Variants in CA2 observed in about 807,000 individuals in gnomAD.
CA2 encodes the protein carbonate dehydratase II.
In CA2, 23 loss-of-function variants were observed where a neutral mutation model predicts 27.8. The observed-to-expected ratio is 0.83, with a 90% CI of 0.59 to 1.17. CA2 has a LOEUF of 1.17. Among genes scored for constraint, CA2 ranks in the 50% most tolerant of loss-of-function variants. The pLI is 0.00. For missense variants in CA2, 300 were observed against 314.7 expected (o/e 0.95, Z 0.35); for synonymous variants, 99 against 114.9 (o/e 0.86, Z 0.88).
chr8:85,479,573 T>C (rs181588464), intron 6 of CA2, among the ~76,000 whole-genome samples: 3 of 152,172 alleles, frequency 2.0e-5, no homozygotes, highest in Middle Eastern at 3.4e-3. Flanking sequence ...GGGGGGAAAG[T>C]AGCACTTTTT....
chr8:85,465,678 A>G (rs1276943889), intron 2 of CA2, among the ~76,000 whole-genome samples: 2 of 152,206 alleles, frequency 1.3e-5, no homozygotes, highest in Non-Finnish European at 2.9e-5. Context: ...TCTTCCCTGT[A>G]AAACCCTTGG....
At chr8:85,468,756 CT>C (rs1193482093) in intron 2 of CA2, among the ~76,000 whole-genome samples, 1 of 151,550 alleles carries the variant, frequency 6.6e-6, no homozygotes, top group Non-Finnish European at 1.5e-5. Flanking sequence ...GAGACTCCAT[CT>C]CAAAACAAAC....
chr8:85,464,235 G>A (rs1811582845), intron 1 of CA2, 120 bp downstream of exon 1: 3 of 938,870 alleles, frequency 3.2e-6, no homozygotes, highest in Non-Finnish European at 4.6e-6. Context: ...TACCGCGGCC[G>A]CGGGGAGTGC....
rs1460905653 is a variant in CA2, at chr8:85,477,102, G to A, written c.508-18G>A. 13 of 1,613,588 alleles carry A rather than the reference G, an allele frequency of 8.1e-6. No individual in the cohort carries two copies. Among genetic ancestry groups the A allele is most frequent in the South Asian group, 6.6e-5 (6 of 91,080 alleles). ...TGTCAATGTGATAGTTTGAAGCTGC[G>A]TATTTGCCTTGTTCTAGGGCAAGAG... On this transcript the variant is annotated intron_variant, in intron 5 of 6. Transcript: ENST00000285379.
chr8:85,474,809 C>T (rs1417633830), intron 4 of CA2, among the ~76,000 whole-genome samples: 1 of 152,072 alleles, frequency 6.6e-6, no homozygotes, highest in Non-Finnish European at 1.5e-5. Context: ...GGTTGAGCTG[C>T]CCTCTAAACA....
At chr8:85,465,888 G>A (rs773944471) in intron 2 of CA2, among the ~76,000 whole-genome samples, 1 of 152,242 alleles carries the variant, frequency 6.6e-6, no homozygotes, top group South Asian at 2.1e-4. Context: ...AGTTAGCAGC[G>A]AGAAGAGTAA....
chr8:85,473,959 C>A, intron 3 of CA2, 148 bp downstream of exon 3: 1 of 669,788 alleles, frequency 1.5e-6, no homozygotes. Context: ...TTTTTATAAC[C>A]TTTAATTGTG....
At chr8:85,474,514 G>A in intron 4 of CA2, 98 bp downstream of exon 4, 2 of 936,088 alleles carry the variant, frequency 2.1e-6, no homozygotes, top group South Asian at 2.6e-5. Flanking sequence ...AAAGAGCTTA[G>A]GAAATGCCTT....
chr8:85,477,544 CTT>C (rs11452517), intron 6 of CA2, among the ~76,000 whole-genome samples: 5 of 146,518 alleles, frequency 3.4e-5, no homozygotes, highest in African/African-American at 5.0e-5. Flanking sequence ...TAATAAATGC[CTT>C]TTTTTTTTTT....
intron 6 of CA2, among the ~76,000 whole-genome samples, chr8:85,479,389 A>G (rs1811854142): frequency 6.6e-6 from 1 of 152,208 alleles, no homozygotes; most frequent in African/African-American, 2.4e-5. Context: ...GCTCCCTTGC[A>G]TTCAGTAACC....
At chr8:85,474,206 A>G in intron 3 of CA2, 118 bp from the exon 4 acceptor site, 5 of 826,720 alleles carry the variant, frequency 6.0e-6, no homozygotes, top group Non-Finnish European at 1.1e-5. Context: ...TTGATTTAAA[A>G]TTATCCATAT....
intron 4 of CA2, 74 bp from the exon 5 acceptor site, chr8:85,475,724 C>A: frequency 7.5e-7 from 1 of 1,330,104 alleles, no homozygotes; most frequent in Non-Finnish European, 1.1e-6. Context: ...TCTAATAGAG[C>A]TACCCAAATA....
Position 85,474,362 on chromosome 8 carries a change from T to G in CA2, c.390T>G (p.Phe130Leu), listed in dbSNP as rs1811756996. The G allele has an allele frequency of 1.2e-6, 2 of 1,614,020 alleles. No homozygotes were observed. Among genetic ancestry groups the G allele is most frequent in the Non-Finnish European group, 8.5e-7 (1 of 1,179,972 alleles). Residue 130 changes from phenylalanine (F) to leucine (L), a missense_variant, in exon 4 of 7, where the codon TTT becomes TTG. Physicochemically the swap from Phe to Leu is conservative, Grantham distance 22 (BLOSUM62 0). This residue lies in a region of CA2 where 173 missense variants were observed against 161.0 expected (regional missense o/e 1.07). Coordinates refer to ENST00000285379, the MANE Select transcript of CA2 (RefSeq NM_000067.3). ...ACTGGAACACCAAATATGGGGATTT[T>G]GGGAAAGCTGTGCAGCAACCTGATG... ...LVHWNTKYGD[F>L]GKAVQQPDGL...
chr8:85,477,031 G>A, intron 5 of CA2, 89 bp from the exon 6 acceptor site: 1 of 1,229,966 alleles, frequency 8.1e-7, no homozygotes, highest in African/African-American at 1.5e-5. Context: ...CATCAGAGGG[G>A]AGTATACCTA....
rs886063150 is a variant in CA2 at position 85,477,151 on chromosome 8, C to T, written c.539C>T (p.Pro180Leu). 1.2e-6 allele frequency: 2 copies of T among 1,614,068 alleles called. No homozygotes were observed. The highest frequency in any genetic ancestry group is 4.5e-5 in the East Asian group (2 of 44,874). Reference sequence around the variant, plus strand: ...AGTGCTGACTTCACTAACTTCGATCCTCGTGGCCTCCTTCCTGAATCCTTG... The same window carrying T: ...AGTGCTGACTTCACTAACTTCGATCTTCGTGGCCTCCTTCCTGAATCCTTG... Reference protein sequence around the residue: ...GKSADFTNFDPRGLLPESLDY... With the variant: ...GKSADFTNFDLRGLLPESLDY... The change falls in exon 6 of 7, where the codon CCT (proline) becomes CTT (leucine). Residue 180 changes from proline (P) to leucine (L), a missense_variant. Physicochemically the swap from Pro to Leu is moderately conservative, Grantham distance 98. Transcript: ENST00000285379.
intron 6 of CA2, among the ~76,000 whole-genome samples, chr8:85,478,204 G>A (rs759930000): frequency 1.3e-5 from 2 of 152,318 alleles, no homozygotes; most frequent in African/African-American, 4.8e-5. Context: ...AGGCCTGGGA[G>A]CAAGGATTCT....
At chr8:85,468,634 C>A (rs1366810326) in intron 2 of CA2, among the ~76,000 whole-genome samples, 1 of 152,090 alleles carries the variant, frequency 6.6e-6, no homozygotes, top group Non-Finnish European at 1.5e-5. Context: ...GTGGCATGTG[C>A]CTGTAATCCC....
At chr8:85,464,146 GCCCCGAT>G (rs553482175) in intron 1 of CA2, 31 bp downstream of exon 1, 94,393 of 1,512,292 alleles carry the variant, frequency 0.062, 3,820 homozygotes, top group Non-Finnish European at 0.069. Context: ...GCGCGGGGGC[GCCCCGAT>G]CCCCGATCCC....
chr8:85,478,310 T>G (rs1486197252), intron 6 of CA2, among the ~76,000 whole-genome samples: 2 of 152,248 alleles, frequency 1.3e-5, no homozygotes, highest in East Asian at 3.8e-4. Context: ...GAAAATTACT[T>G]GTAGCATATC....
Sources: gnomAD v4.1 joint callset for allele counts (sites outside exome capture counted in the v4.1 genomes callset) on GRCh38, gnomAD v4.1.1 for gene constraint, gnomAD v4.1.1 regional missense constraint, MANE v1.5 for transcripts, NCBI Gene and HGNC (gene_info 2026-07-23, HGNC 2026-07-21) for gene names.